Variants in PARN observed in about 807,000 individuals in gnomAD.
The protein encoded by PARN is poly(A)-specific ribonuclease.
A neutral mutation model predicts 102.8 loss-of-function variants in PARN; 71 were observed. The ratio of observed to expected loss-of-function variants is 0.69; its 90% confidence interval spans 0.57 to 0.84. The LOEUF is 0.84. PARN is among the 40% of genes least tolerant of loss of function. PARN has a pLI of 0.00. For synonymous variants in PARN, 261 were observed against 252.9 expected, an observed-to-expected ratio of 1.03 and a Z score of -0.30; for missense variants, 782 against 760.9, an observed-to-expected ratio of 1.03 and a Z score of -0.33.
intron 12 of PARN, 69 bp from the exon 13 acceptor site, chr16:14,593,447 G>T: frequency 4.9e-6 from 2 of 409,400 alleles, no homozygotes; most frequent in Non-Finnish European, 9.1e-6. Context: ...AGAATGTATA[G>T]TTCAGATTCC....
chr16:14,591,464 T>C (rs778622180), intron 13 of PARN, among the ~76,000 whole-genome samples: 2 of 151,976 alleles, frequency 1.3e-5, no homozygotes, highest in Non-Finnish European at 2.9e-5. Flanking sequence ...ATAGGCCAAA[T>C]ACAGCCAACC....
chr16:14,523,618 G>T (rs773599864), intron 21 of PARN, among the ~76,000 whole-genome samples: 2 of 152,100 alleles, frequency 1.3e-5, no homozygotes, highest in Non-Finnish European at 2.9e-5. Flanking sequence ...CATACGTAGA[G>T]ATCAGATACA....
chr16:14,593,340 G>T lies in PARN; in HGVS notation c.879C>A (p.Val293=). ...AGTAGAACTGATGAACTGTGTGCAT[G>T]ACGTCCAAGAGCATATTGTGTCCAA... is the stretch of plus-strand genomic sequence containing the variant. ...LVIGHNMLLD[V]MHTVHQFYCP... The change falls in exon 13 of 24, where the codon GTC becomes GTA. Residue 293 remains valine, a synonymous_variant. Transcript: ENST00000437198. The T allele has an allele frequency of 6.2e-7, 1 of 1,607,438 alleles. No homozygotes were observed. Among genetic ancestry groups the T allele is most frequent in the Non-Finnish European group, 8.5e-7 (1 of 1,174,064 alleles).
chr16:14,514,808 A>C (rs1484314232), intron 21 of PARN, among the ~76,000 whole-genome samples: 1 of 152,196 alleles, frequency 6.6e-6, no homozygotes, highest in East Asian at 1.9e-4. Context: ...GAAGGGAGGA[A>C]GCAGTGAGTG....
At chr16:14,537,422 A>G (rs749908260) in intron 21 of PARN, among the ~76,000 whole-genome samples, 8 of 152,348 alleles carry the variant, frequency 5.3e-5, no homozygotes, top group South Asian at 2.1e-4. Context: ...CATACAATTC[A>G]GCAATCCCAC....
intron 12 of PARN, among the ~76,000 whole-genome samples, chr16:14,597,622 A>G (rs894657779): frequency 2.6e-5 from 4 of 151,758 alleles, no homozygotes; most frequent in Admixed American, 2.6e-4. Context: ...GCGTGAACCC[A>G]GGAGGCAGAG....
chr16:14,587,570 G>A (rs148137952), intron 13 of PARN, among the ~76,000 whole-genome samples: 2 of 152,276 alleles, frequency 1.3e-5, no homozygotes, highest in East Asian at 3.9e-4. Flanking sequence ...CTGCACTCAA[G>A]CAATTCTCCT....
chr16:14,494,568 G>C (rs1964213570), intron 21 of PARN, among the ~76,000 whole-genome samples: 1 of 152,212 alleles, frequency 6.6e-6, no homozygotes, highest in South Asian at 2.1e-4. Context: ...TCATCTGAGA[G>C]AGGAACACAG....
At chr16:14,570,366 A>AG (rs1394155200) in intron 18 of PARN, among the ~76,000 whole-genome samples, 1 of 146,272 alleles carries the variant, frequency 6.8e-6, no homozygotes, top group Non-Finnish European at 1.5e-5. Flanking sequence ...AAAAGGAAAG[A>AG]GGGCCGGGCC....
intron 10 of PARN, 124 bp downstream of exon 10, chr16:14,606,360 G>T: frequency 2.0e-6 from 1 of 495,382 alleles, no homozygotes. Context: ...ACTAACCACT[G>T]CACTCCAGCC....
At chr16:14,465,483 A>C (rs530284512) in intron 22 of PARN, among the ~76,000 whole-genome samples, 11 of 152,312 alleles carry the variant, frequency 7.2e-5, no homozygotes, top group Non-Finnish European at 1.5e-4. Context: ...TATTAACACT[A>C]ATAGCACAAA....
At chr16:14,541,005 T>C (rs1419149293) in intron 21 of PARN, among the ~76,000 whole-genome samples, 1 of 151,786 alleles carries the variant, frequency 6.6e-6, no homozygotes, top group Non-Finnish European at 1.5e-5. Context: ...AAAGCACAGA[T>C]TTCGGCCAAA....
intron 16 of PARN, among the ~76,000 whole-genome samples, 199 bp downstream of exon 16, chr16:14,584,148 A>G (rs1482133591): frequency 1.3e-5 from 2 of 152,236 alleles, no homozygotes; most frequent in African/African-American, 4.8e-5. Flanking sequence ...ACCCAACTCC[A>G]TTAACATAAA....
chr16:14,609,884 T>G (rs527566529), intron 7 of PARN, among the ~76,000 whole-genome samples: 7 of 152,184 alleles, frequency 4.6e-5, no homozygotes, highest in Non-Finnish European at 1.5e-5. Context: ...ATTCAGTCCA[T>G]GCAAGTTTTA....
intron 22 of PARN, among the ~76,000 whole-genome samples, chr16:14,458,299 C>T (rs1311126889): frequency 6.6e-6 from 1 of 152,146 alleles, no homozygotes; most frequent in Admixed American, 6.5e-5. Context: ...CTAAAATTTA[C>T]CTTTTGACTT....
In PARN at chr16:14,596,788, CTTTT is replaced by C. The variant is rs200386556; in HGVS notation, c.840+3112_840+3115del. Among the ~76,000 whole-genome samples, 14 of 135,726 alleles carry C rather than the reference CTTTT, an allele frequency of 1.0e-4. No individual in the cohort carries two copies. The East Asian group carries it at 2.7e-3, about 26-fold the overall frequency. The allele number at this position is 135,726 out of a possible 152,430, so 89.0% of individuals were successfully genotyped here. A position where few individuals can be genotyped will look rare whatever the true frequency, so the allele number is the denominator to read the frequency against. The stretch of plus-strand genomic sequence containing the variant: ...GGGGAAAAGGACATTTTTTTCTTTC[CTTTT>C]TTTTTTTTTTTCGAGACAGGGTCTC... On this transcript the variant is annotated intron_variant, in intron 12 of 23. Transcript: ENST00000437198.
At chr16:14,489,921 C>T (rs920838944) in intron 21 of PARN, among the ~76,000 whole-genome samples, 1 of 152,250 alleles carries the variant, frequency 6.6e-6, no homozygotes, top group African/African-American at 2.4e-5. Context: ...ATAATCCCAG[C>T]ACTTTGGGAG....
At chr16:14,492,687 T>A (rs560629916) in intron 21 of PARN, among the ~76,000 whole-genome samples, 1 of 152,164 alleles carries the variant, frequency 6.6e-6, no homozygotes, top group Admixed American at 6.5e-5. Flanking sequence ...AGTTCTCCAA[T>A]TGAGGCCACG....
intron 3 of PARN, 134 bp downstream of exon 3, chr16:14,628,038 C>A: frequency 1.5e-6 from 1 of 659,544 alleles, no homozygotes; most frequent in Non-Finnish European, 2.7e-6. Flanking sequence ...AAAAAAATCA[C>A]TTCATGGCTA....
Sources: allele counts gnomAD v4.1 joint callset (sites outside exome capture counted in the v4.1 genomes callset), GRCh38; gene constraint gnomAD v4.1.1; transcripts MANE v1.5; gene names NCBI Gene and HGNC (gene_info 2026-07-23, HGNC 2026-07-21).